Variants in CPEB4 observed in about 807,000 individuals in gnomAD.
The protein encoded by CPEB4 is cytoplasmic polyadenylation element-binding protein 4.
Under a neutral mutation model 72.5 loss-of-function variants are expected in CPEB4, and 12 were observed. The observed-to-expected ratio is 0.17, with a 90% CI of 0.11 to 0.27. The LOEUF (loss-of-function observed/expected upper bound fraction) is 0.27. CPEB4 is among the 10% of genes least tolerant of loss of function. The pLI is 1.00. For missense variants in CPEB4, 614 were observed against 908.5 expected, an observed-to-expected ratio of 0.68 and a Z score of 4.17; for synonymous variants, 302 against 326.3, an observed-to-expected ratio of 0.93 and a Z score of 0.80.
At position 173,956,234 on chromosome 5, in the gene CPEB4, T is replaced by C; in HGVS notation, c.*97T>C. Reference sequence around the variant, plus strand: ...AACCTCTTCACGCTGGCATGTCCTTTTGTAGCAGTCTGTAACTTAACTATA... The same window carrying C: ...AACCTCTTCACGCTGGCATGTCCTTCTGTAGCAGTCTGTAACTTAACTATA... On this transcript the variant is annotated 3_prime_UTR_variant, in exon 10 of 10. Transcript: ENST00000265085. 3 of 891,720 alleles carry C rather than the reference T, an allele frequency of 3.4e-6. No homozygotes were observed. Among genetic ancestry groups the C allele is most frequent in the African/African-American group, 1.6e-5 (1 of 60,722 alleles). The allele number at this position is 891,720 out of a possible 1,614,324, so 55.2% of individuals were successfully genotyped here.
At chr5:173,930,717 A>G (rs1268118557) in intron 2 of CPEB4, among the ~76,000 whole-genome samples, 1 of 152,074 alleles carries the variant, frequency 6.6e-6, no homozygotes, top group Non-Finnish European at 1.5e-5. Context: ...AGCCGGGCGC[A>G]GTGGCTCACT....
Position 173,932,517 on chromosome 5 carries a change from T to G in CPEB4, c.1258+17T>G. 6.2e-7 allele frequency: 1 copy of G among 1,604,456 alleles called. No homozygotes were observed. The highest frequency in any genetic ancestry group is 8.5e-7 in the Non-Finnish European group (1 of 1,172,250). On this transcript the variant is annotated intron_variant, in intron 3 of 9. Coordinates refer to ENST00000265085, the MANE Select transcript of CPEB4 (RefSeq NM_030627.4). The stretch of plus-strand genomic sequence containing the variant: ...TTATTAATGGTAAGTGATAATTGAT[T>G]TACCCTAGTGAAGTGCACAAAACTG...
intron 5 of CPEB4, among the ~76,000 whole-genome samples, chr5:173,948,138 A>T (rs996691036): frequency 2.8e-4 from 42 of 152,226 alleles, no homozygotes; most frequent in Non-Finnish European, 8.8e-5. Flanking sequence ...AATGGGACAG[A>T]TGGAAAACTC....
intron 3 of CPEB4, among the ~76,000 whole-genome samples, chr5:173,938,875 G>A (rs929866701): frequency 6.6e-6 from 1 of 152,166 alleles, no homozygotes; most frequent in African/African-American, 2.4e-5. Flanking sequence ...TAGCAATATA[G>A]CATATGCAAT....
intron 4 of CPEB4, 106 bp from the exon 5 acceptor site, chr5:173,944,861 T>A (rs1170880286): frequency 2.1e-6 from 2 of 957,692 alleles, no homozygotes; most frequent in East Asian, 4.8e-5. Flanking sequence ...GTGAGAAAAA[T>A]AAAAGCAGCA....
intron 1 of CPEB4, among the ~76,000 whole-genome samples, chr5:173,893,429 C>T (rs1755887982): frequency 6.6e-6 from 1 of 151,820 alleles, no homozygotes; most frequent in Non-Finnish European, 1.5e-5. Context: ...CCAACTTGGG[C>T]AACATAGTGA....
intron 2 of CPEB4, among the ~76,000 whole-genome samples, chr5:173,911,691 T>G (rs1471094677): frequency 1.3e-5 from 2 of 151,148 alleles, no homozygotes; most frequent in Non-Finnish European, 3.0e-5. Flanking sequence ...GTTTTTTTTT[T>G]TTTTTTTTTT....
At chr5:173,942,857 C>T (rs540642609) in intron 3 of CPEB4, among the ~76,000 whole-genome samples, 169 bp from the exon 4 acceptor site, 1 of 152,282 alleles carries the variant, frequency 6.6e-6, no homozygotes, top group South Asian at 2.1e-4. Flanking sequence ...AAATTGACCT[C>T]TTACCTCCCG....
chr5:173,910,398 A>G, intron 1 of CPEB4, 125 bp from the exon 2 acceptor site: 1 of 638,442 alleles, frequency 1.6e-6, no homozygotes, highest in South Asian at 2.1e-5. Flanking sequence ...TTTAGTAATA[A>G]TGTGCCTTAC....
chr5:173,912,266 AAG>A (rs1311695324), intron 2 of CPEB4, among the ~76,000 whole-genome samples: 1 of 152,202 alleles, frequency 6.6e-6, no homozygotes, highest in Non-Finnish European at 1.5e-5. Context: ...CAGAAAAATG[AAG>A]AGTCTAAGGT....
rs1467392707 is a variant in CPEB4 at position 173,890,312 on chromosome 5, A to G, written c.579A>G (p.Gly193=). The G allele has an allele frequency of 6.2e-7, 1 of 1,614,090 alleles. No homozygotes were observed. Among genetic ancestry groups the G allele is most frequent in the East Asian group, 2.2e-5 (1 of 44,880 alleles). Reference sequence around the variant, plus strand: ...AAGATGCAAGTTTCTTTCACCAGGGAGGGGTCCCTGCTGCTTCGGCTAATA... The same window carrying G: ...AAGATGCAAGTTTCTTTCACCAGGGGGGGGTCCCTGCTGCTTCGGCTAATA... ...INEDASFFHQ[G]GVPAASANNG... The change falls in exon 1 of 10, where the codon GGA becomes GGG. Residue 193 remains glycine, a synonymous_variant. Coordinates refer to ENST00000265085, the MANE Select transcript of CPEB4 (RefSeq NM_030627.4).
chr5:173,930,967 G>A (rs1757425731), intron 2 of CPEB4, among the ~76,000 whole-genome samples: 1 of 137,610 alleles, frequency 7.3e-6, no homozygotes, highest in South Asian at 2.4e-4. Context: ...CTCCAGCCTT[G>A]GAGACAGAGT....
chr5:173,940,865 T>C (rs1389137056), intron 3 of CPEB4, among the ~76,000 whole-genome samples: 2 of 152,190 alleles, frequency 1.3e-5, no homozygotes, highest in East Asian at 1.9e-4. Context: ...AATATCTACA[T>C]AGCTTTCAGA....
At position 173,905,524 on chromosome 5, in the gene CPEB4, G is replaced by T. The variant is rs556567607; in HGVS notation, c.1126-4999G>T. On this transcript the variant is annotated intron_variant, in intron 1 of 9. Coordinates refer to ENST00000265085, the MANE Select transcript of CPEB4 (RefSeq NM_030627.4). ...AATTTTTGTATTTTTTCACCATGTTGTGGGCAGGCTGGTCTCGAACTCCTG... is the reference window on the plus strand; with the variant it reads ...AATTTTTGTATTTTTTCACCATGTTTTGGGCAGGCTGGTCTCGAACTCCTG... Among the ~76,000 whole-genome samples the T allele has an allele frequency of 7.2e-5, 11 of 152,052 alleles. 1 individual carries two copies. The East Asian group carries it at 2.1e-3, about 29-fold the overall frequency.
chr5:173,906,044 A>G (rs1172408426), intron 1 of CPEB4, among the ~76,000 whole-genome samples: 1 of 152,252 alleles, frequency 6.6e-6, no homozygotes, highest in Non-Finnish European at 1.5e-5. Context: ...AGTTCAATCA[A>G]GAAGAGCATC....
In CPEB4 at chr5:173,961,008, T is replaced by G. The variant is rs1758534986; in HGVS notation, c.*4871T>G. The G allele has an allele frequency of 6.6e-6, 1 of 152,242 alleles. No homozygotes were observed. Among genetic ancestry groups the G allele is most frequent in the African/African-American group, 2.4e-5 (1 of 41,458 alleles). The allele number at this position is 152,242 out of a possible 1,614,324, so 9.4% of individuals were successfully genotyped here. On this transcript the variant is annotated 3_prime_UTR_variant, in exon 10 of 10. Transcript: ENST00000265085. Reference sequence around the variant, plus strand: ...CTGAGAATATCCTGTTTTGTCAGATTTAATATCTGTTCTTTCTTGAGTATA... The same window carrying G: ...CTGAGAATATCCTGTTTTGTCAGATGTAATATCTGTTCTTTCTTGAGTATA...
At chr5:173,920,392 T>C (rs1357208870) in intron 2 of CPEB4, among the ~76,000 whole-genome samples, 3 of 152,224 alleles carry the variant, frequency 2.0e-5, no homozygotes, top group Non-Finnish European at 4.4e-5. Flanking sequence ...TTAATTGAAA[T>C]ATAAATAACT....
At chr5:173,949,859 A>G in intron 6 of CPEB4, 101 bp from the exon 7 acceptor site, 2 of 860,074 alleles carry the variant, frequency 2.3e-6, no homozygotes, top group Non-Finnish European at 3.8e-6. Context: ...TTTTTTTCCT[A>G]TTCCTTTTTC....
rs1758442071 is a variant in CPEB4, at chr5:173,958,330, C to G, written c.*2193C>G. ...TGAACATTTTTAGGCACACTTTTCA[C>G]TGACGGGATATCTCTTTATGCAATA... On this transcript the variant is annotated 3_prime_UTR_variant, in exon 10 of 10. Coordinates refer to ENST00000265085, the MANE Select transcript of CPEB4 (RefSeq NM_030627.4). 2 of 152,768 alleles carry G rather than the reference C, an allele frequency of 1.3e-5. No individual in the cohort carries two copies. The highest frequency in any genetic ancestry group is 6.5e-5 in the Admixed American group (1 of 15,276). 9.5% of individuals were successfully genotyped at this position (152,768 alleles called of 1,614,324 possible). A position where few individuals can be genotyped will look rare whatever the true frequency, so the allele number is the denominator to read the frequency against.
Sources: gnomAD v4.1 joint callset for allele counts (sites outside exome capture counted in the v4.1 genomes callset) on GRCh38, gnomAD v4.1.1 for gene constraint, MANE v1.5 for transcripts, NCBI Gene and HGNC (gene_info 2026-07-23, HGNC 2026-07-21) for gene names.